MED12L: variants seen among roughly 807,000 people sequenced by gnomAD.
MED12L encodes mediator complex subunit 12L, also known as mediator of RNA polymerase II transcription subunit 12-like protein.
Under a neutral mutation model 281.3 loss-of-function variants are expected in MED12L, and 60 were observed. That is an observed-to-expected ratio of 0.21 (90% CI 0.17 to 0.26). MED12L has a LOEUF of 0.26. Ranked by LOEUF, MED12L falls within the 10% of genes least tolerant of loss-of-function variation. The pLI, the probability that MED12L is intolerant of heterozygous loss-of-function variation, is 1.00. For synonymous variants in MED12L, 974 were observed against 987.2 expected (o/e 0.99, Z 0.25); for missense variants, 2,146 against 2,680.9 (o/e 0.80, Z 4.41).
intron 8 of MED12L, among the ~76,000 whole-genome samples, chr3:151,163,675 A>G (rs1720300833): frequency 6.6e-6 from 1 of 152,094 alleles, no homozygotes; most frequent in Non-Finnish European, 1.5e-5. Context: ...ATTATTCCTT[A>G]ATTTCTCAAC....
intron 39 of MED12L, among the ~76,000 whole-genome samples, chr3:151,404,094 TA>T (rs935676307): frequency 3.9e-5 from 6 of 152,234 alleles, no homozygotes; most frequent in African/African-American, 1.2e-4. Flanking sequence ...ACTGGCTTTT[TA>T]AAAAATGTTT....
chr3:151,286,113 A>G (rs1357790294), intron 16 of MED12L, among the ~76,000 whole-genome samples: 3 of 152,198 alleles, frequency 2.0e-5, no homozygotes, highest in East Asian at 3.9e-4. Flanking sequence ...TCTCAGGAGA[A>G]TCACAGACTT....
intron 16 of MED12L, among the ~76,000 whole-genome samples, chr3:151,234,297 A>G (rs144024691): frequency 1.2e-3 from 179 of 152,366 alleles, no homozygotes; most frequent in African/African-American, 3.9e-3. Flanking sequence ...AGTGGTCCTG[A>G]CAAGATAGGA....
chr3:151,246,300 C>G (rs998373776), intron 16 of MED12L, among the ~76,000 whole-genome samples: 1 of 152,064 alleles, frequency 6.6e-6, no homozygotes, highest in Non-Finnish European at 1.5e-5. Flanking sequence ...CAAAAAAGAG[C>G]CCGTATCGCC....
At chr3:151,342,976 G>C (rs2172249) in intron 16 of MED12L, among the ~76,000 whole-genome samples, 107,930 of 151,988 alleles carry the variant, frequency 0.71, 38,618 homozygotes, top group East Asian at 0.85. Flanking sequence ...AGTGAAGTTA[G>C]ATGGAGACCC....
At chr3:151,336,075 A>G (rs1750939829) in intron 16 of MED12L, among the ~76,000 whole-genome samples, 1 of 152,212 alleles carries the variant, frequency 6.6e-6, no homozygotes, top group African/African-American at 2.4e-5. Flanking sequence ...TGGAGGGATG[A>G]GTCTGCCTTT....
At chr3:151,141,212 C>A (rs577963940) in intron 5 of MED12L, among the ~76,000 whole-genome samples, 3 of 70,612 alleles carry the variant, frequency 4.2e-5, no homozygotes, top group African/African-American at 2.3e-4. Flanking sequence ...TTAGTAGAGA[C>A]GGGGTTTCAC....
At chr3:151,205,608 G>A (rs186587374) in intron 16 of MED12L, among the ~76,000 whole-genome samples, 5 of 151,996 alleles carry the variant, frequency 3.3e-5, no homozygotes, top group South Asian at 2.1e-4. Flanking sequence ...TGCCACAGCC[G>A]GGCACAGGTC....
At chr3:151,312,947 A>G (rs1747745360) in intron 16 of MED12L, among the ~76,000 whole-genome samples, 1 of 152,160 alleles carries the variant, frequency 6.6e-6, no homozygotes, top group African/African-American at 2.4e-5. Flanking sequence ...ATGCTACTTG[A>G]GTGGGTAGTA....
At chr3:151,241,582 A>G (rs186841448) in intron 16 of MED12L, among the ~76,000 whole-genome samples, 2 of 152,306 alleles carry the variant, frequency 1.3e-5, no homozygotes, top group East Asian at 3.9e-4. Context: ...TGGAATACAT[A>G]TGCACACACA....
At chr3:151,354,001 C>A (rs532167259) in intron 17 of MED12L, among the ~76,000 whole-genome samples, 60 of 115,154 alleles carry the variant, frequency 5.2e-4, no homozygotes, top group African/African-American at 2.4e-3. Flanking sequence ...ATTAGCCGGG[C>A]GTAGTGGCGG....
intron 16 of MED12L, among the ~76,000 whole-genome samples, chr3:151,200,399 A>G (rs1725377057): frequency 6.6e-6 from 1 of 152,172 alleles, no homozygotes; most frequent in African/African-American, 2.4e-5. Context: ...TGTTTTAAAG[A>G]CCTGAAGATT....
chr3:151,366,088 C>T (rs1218508545), intron 23 of MED12L, 97 bp downstream of exon 23: 1 of 1,045,004 alleles, frequency 9.6e-7, no homozygotes. Context: ...ATTGATTCAA[C>T]TGAAATGTTA....
intron 5 of MED12L, among the ~76,000 whole-genome samples, chr3:151,152,087 T>TTG (rs1718610104): frequency 3.1e-5 from 1 of 32,106 alleles, no homozygotes. Flanking sequence ...TGAAGGTGGT[T>TTG]TTTTTTTTTT....
chr3:151,141,190 T>TTGTTTTTTTTTTTTTTTG lies in MED12L; in HGVS notation c.556+13207_556+13208insGTTTTTTTTTTTTTTTGT, dbSNP rs1560087969. Among the ~76,000 whole-genome samples, 47 of 135,176 alleles carry TTGTTTTTTTTTTTTTTTG rather than the reference T, an allele frequency of 3.5e-4. 1 individual carries two copies. Among genetic ancestry groups the TTGTTTTTTTTTTTTTTTG allele is most frequent in the African/African-American group, 1.3e-3 (44 of 34,872 alleles). The allele number at this position is 135,176 out of a possible 152,430, so 88.7% of individuals were successfully genotyped here. A position where few individuals can be genotyped will look rare whatever the true frequency, so the allele number is the denominator to read the frequency against. ...CGTTTTTTTTTTTGTTTTTTTTGTT[T>TTGTTTTTTTTTTTTTTTG]TTTTTTTTTTGTTAGTAGAGACGGG... On this transcript the variant is annotated intron_variant, in intron 5 of 44. Coordinates refer to ENST00000687756, the MANE Select transcript of MED12L (RefSeq NM_001393769.1).
rs760466844 is a variant in MED12L at position 151,160,010 on chromosome 3, C to G, written c.1016C>G (p.Pro339Arg). The change falls in exon 8 of 45, where the codon CCT becomes CGT. Residue 339 changes from proline (P) to arginine (R), a missense_variant. Pro to Arg is a moderately radical substitution (Grantham distance 103). Coordinates refer to ENST00000687756, the MANE Select transcript of MED12L (RefSeq NM_001393769.1). The stretch of plus-strand genomic sequence containing the variant: ...GCCCCCAGCCCTGGCCCCCCCGGCC[C>G]TGGCATGAGCCCCGTGCAGCTGGCC... ...IGAPSPGPPG[P>R]GMSPVQLAFS... 3.7e-6 allele frequency: 6 copies of G among 1,614,212 alleles called. No individual in the cohort carries two copies. Among genetic ancestry groups the G allele is most frequent in the South Asian group, 1.1e-5 (1 of 91,076 alleles).
At chr3:151,385,672 C>A (rs957854047) in intron 36 of MED12L, among the ~76,000 whole-genome samples, 1 of 150,046 alleles carries the variant, frequency 6.7e-6, no homozygotes, top group Admixed American at 6.6e-5. Context: ...TGTGAATAGC[C>A]ACTACACCCT....
At chr3:151,189,054 G>A (rs1339411256) in intron 13 of MED12L, among the ~76,000 whole-genome samples, 1 of 152,168 alleles carries the variant, frequency 6.6e-6, no homozygotes, top group East Asian at 1.9e-4. Context: ...GAGCTATGTA[G>A]GCTTGAAATT....
intron 2 of MED12L, among the ~76,000 whole-genome samples, chr3:151,097,527 C>A (rs1720873816): frequency 6.6e-6 from 1 of 152,184 alleles, no homozygotes; most frequent in African/African-American, 2.4e-5. Flanking sequence ...TCAAAACTTT[C>A]TTTTATGAAT....
Sources: gnomAD v4.1 joint callset for allele counts (sites outside exome capture counted in the v4.1 genomes callset) on GRCh38, gnomAD v4.1.1 for gene constraint, MANE v1.5 for transcripts, NCBI Gene and HGNC (gene_info 2026-07-23, HGNC 2026-07-21) for gene names.